Variants in STAG1 observed in about 807,000 individuals in gnomAD.
The protein encoded by STAG1 is cohesin subunit SA-1.
A neutral mutation model predicts 170.9 loss-of-function variants in STAG1; 26 were observed. The ratio of observed to expected loss-of-function variants is 0.15; its 90% CI spans 0.11 to 0.21. STAG1 has a LOEUF of 0.21. Ranked by LOEUF, STAG1 falls within the 10% of genes least tolerant of loss-of-function variation. The probability of loss-of-function intolerance (pLI) is 1.00; values close to 1 mark genes in which losing one functional copy is unlikely to be tolerated. For missense variants in STAG1, 964 were observed against 1,509.5 expected (o/e 0.64, Z 5.99); for synonymous variants, 514 against 497.7 (o/e 1.03, Z -0.44).
chr3:136,445,927 T>C (rs1421921756), intron 14 of STAG1, among the ~76,000 whole-genome samples: 1 of 152,216 alleles, frequency 6.6e-6, no homozygotes, highest in Non-Finnish European at 1.5e-5. Flanking sequence ...TATTCTTCAT[T>C]TACTTCAATC....
chr3:136,337,573 T>G lies in STAG1; in HGVS notation c.*681A>C, dbSNP rs1935739107. The G allele has an allele frequency of 6.6e-6, 1 of 152,666 alleles. No individual in the cohort carries two copies. The highest frequency in any genetic ancestry group is 2.1e-4 in the South Asian group (1 of 4,840). 9.5% of individuals were successfully genotyped at this position (152,666 alleles called of 1,614,324 possible). On this transcript the variant is annotated 3_prime_UTR_variant, in exon 34 of 34. Coordinates refer to ENST00000383202, the MANE Select transcript of STAG1 (RefSeq NM_005862.3). ...ACATTTCTTATTTTATGCCCACTTA[T>G]AAATAAAAATAAACCTTTTATTCAA... is the stretch of plus-strand genomic sequence containing the variant.
chr3:136,689,155 T>C lies in STAG1; in HGVS notation c.-83-58174A>G, dbSNP rs528562975. Among the ~76,000 whole-genome samples, 9 of 152,362 alleles carry C rather than the reference T, an allele frequency of 5.9e-5. No individual in the cohort carries two copies. The South Asian group carries it at 1.9e-3, about 32-fold the overall frequency. On this transcript the variant is annotated intron_variant, in intron 1 of 33. Coordinates refer to ENST00000383202, the MANE Select transcript of STAG1 (RefSeq NM_005862.3). ...TTCTCAAGAATAATTTTGGCCATGG[T>C]TGAAGCAATGGCTTGTCTATAAAGA...
chr3:136,702,811 C>T (rs1198465881), intron 1 of STAG1, among the ~76,000 whole-genome samples: 8 of 151,896 alleles, frequency 5.3e-5, no homozygotes, highest in East Asian at 1.9e-4. Context: ...GGCTCACACC[C>T]GTAATCCCAG....
chr3:136,620,744 T>C (rs1290949951), intron 3 of STAG1, among the ~76,000 whole-genome samples: 2 of 150,848 alleles, frequency 1.3e-5, no homozygotes, highest in Non-Finnish European at 3.0e-5. Flanking sequence ...TAGACTGAAA[T>C]ATAAATAAAA....
chr3:136,511,847 T>C (rs2107886340), intron 7 of STAG1, among the ~76,000 whole-genome samples: 1 of 152,084 alleles, frequency 6.6e-6, no homozygotes, highest in East Asian at 1.9e-4. Context: ...AGAAAATACA[T>C]GTAACCCCTA....
intron 16 of STAG1, among the ~76,000 whole-genome samples, chr3:136,432,135 A>C (rs2088320876): frequency 1.3e-5 from 2 of 152,074 alleles, no homozygotes; most frequent in Admixed American, 6.6e-5. Context: ...CAGAATGGAT[A>C]ATTTCTATTA....
intron 1 of STAG1, chr3:136,736,847 TCA>T (rs1305670237): frequency 4.4e-6 from 7 of 1,585,180 alleles, no homozygotes; most frequent in Middle Eastern, 2.3e-4. Context: ...TTTCGCTCTT[TCA>T]CAGTGTGGTC....
intron 23 of STAG1, among the ~76,000 whole-genome samples, chr3:136,372,161 G>T (rs1937376132): frequency 6.6e-6 from 1 of 151,918 alleles, no homozygotes; most frequent in East Asian, 1.9e-4. Flanking sequence ...TCTGTTATTG[G>T]TGTATAAGAA....
chr3:136,581,536 G>A (rs1000617592), intron 4 of STAG1, among the ~76,000 whole-genome samples: 1 of 152,160 alleles, frequency 6.6e-6, no homozygotes, highest in Non-Finnish European at 1.5e-5. Context: ...GTATTTAAAT[G>A]ATGACCCTCA....
intron 4 of STAG1, among the ~76,000 whole-genome samples, chr3:136,574,284 A>T (rs2107769383): frequency 6.6e-6 from 1 of 151,680 alleles, no homozygotes; most frequent in South Asian, 2.1e-4. Context: ...CAAGAGACAC[A>T]CTTTTAATAT....
intron 4 of STAG1, among the ~76,000 whole-genome samples, chr3:136,585,819 T>C (rs1219149747): frequency 6.6e-6 from 1 of 152,150 alleles, no homozygotes; most frequent in East Asian, 1.9e-4. Context: ...AGTGAGAAAT[T>C]CTATCAACAT....
chr3:136,361,599 G>C (rs991827072), intron 26 of STAG1, among the ~76,000 whole-genome samples: 1 of 151,896 alleles, frequency 6.6e-6, no homozygotes, highest in Non-Finnish European at 1.5e-5. Context: ...ATTTTAATTT[G>C]TATTTCATTA....
intron 4 of STAG1, among the ~76,000 whole-genome samples, chr3:136,570,212 T>C (rs1184881725): frequency 2.0e-5 from 3 of 152,178 alleles, no homozygotes; most frequent in African/African-American, 7.2e-5. Flanking sequence ...TTCCAGTCAG[T>C]AACCATCCCC....
chr3:136,595,901 A>G (rs1938406174), intron 4 of STAG1, among the ~76,000 whole-genome samples: 1 of 152,152 alleles, frequency 6.6e-6, no homozygotes, highest in Non-Finnish European at 1.5e-5. Flanking sequence ...AATTTTACAA[A>G]AAGTATTCAA....
At chr3:136,432,586 CA>C in intron 16 of STAG1, among the ~76,000 whole-genome samples, 1 of 151,366 alleles carries the variant, frequency 6.6e-6, no homozygotes, top group East Asian at 2.0e-4. Flanking sequence ...GGGCTCCCTG[CA>C]ACCTCTGCCT....
Position 136,336,618 on chromosome 3 carries a change from C to G in STAG1, c.*1636G>C, listed in dbSNP as rs910213710. ...TTCACTTCCAGTGAAGCCCACAATT[C>G]TGGGAGAAAGTGAGGCCCCAGCTCC... On this transcript the variant is annotated 3_prime_UTR_variant, in exon 34 of 34. Coordinates refer to ENST00000383202, the MANE Select transcript of STAG1 (RefSeq NM_005862.3). The G allele has an allele frequency of 6.6e-6, 1 of 152,112 alleles. No homozygotes were observed. Among genetic ancestry groups the G allele is most frequent in the Non-Finnish European group, 1.5e-5 (1 of 68,014 alleles). 9.4% of individuals were successfully genotyped at this position (152,112 alleles called of 1,614,324 possible).
chr3:136,570,126 C>G (rs144368718), intron 4 of STAG1, among the ~76,000 whole-genome samples: 1 of 152,216 alleles, frequency 6.6e-6, no homozygotes, highest in African/African-American at 2.4e-5. Context: ...TTTATAAATA[C>G]ATACACCTGT....
chr3:136,597,883 A>T (rs1938499144), intron 4 of STAG1, among the ~76,000 whole-genome samples: 1 of 151,916 alleles, frequency 6.6e-6, no homozygotes, highest in African/African-American at 2.4e-5. Flanking sequence ...CTTCACCGTT[A>T]TTTAAAAATG....
chr3:136,635,524 G>C (rs189563612), intron 1 of STAG1, among the ~76,000 whole-genome samples: 3 of 152,272 alleles, frequency 2.0e-5, no homozygotes, highest in Non-Finnish European at 2.9e-5. Context: ...GTAATGGAGA[G>C]AAACTCAAAG....
Sources: gnomAD v4.1 joint callset for allele counts (sites outside exome capture counted in the v4.1 genomes callset) on GRCh38, gnomAD v4.1.1 for gene constraint, MANE v1.5 for transcripts, NCBI Gene and HGNC (gene_info 2026-07-23, HGNC 2026-07-21) for gene names.